The following ATG7 variants were observed in gnomAD, a reference collection of about 807,000 sequenced individuals.
The protein encoded by ATG7 is autophagy related 7.
Under a neutral mutation model 82.4 loss-of-function variants are expected in ATG7, and 70 were observed. The ratio of observed to expected loss-of-function variants is 0.85; its 90% CI spans 0.70 to 1.04. The LOEUF is 1.04. Among genes scored for constraint, ATG7 ranks in the 50% least tolerant of loss-of-function variants. The probability of loss-of-function intolerance (pLI) is 0.00; values close to 1 mark genes in which losing one functional copy is unlikely to be tolerated. For synonymous variants in ATG7, 287 were observed against 313.0 expected (o/e 0.92, Z 0.88); for missense variants, 792 against 864.3 (o/e 0.92, Z 1.05).
chr3:11,518,020 C>T (rs2092332115), intron 20 of ATG7, among the ~76,000 whole-genome samples: 1 of 152,026 alleles, frequency 6.6e-6, no homozygotes, highest in Non-Finnish European at 1.5e-5. Context: ...ACAATTGAAT[C>T]GATGTTGAAA....
At chr3:11,477,320 C>G in intron 20 of ATG7, 1 of 1,186,522 alleles carries the variant, frequency 8.4e-7, no homozygotes, top group South Asian at 1.6e-5. Context: ...TTTTGTGCTA[C>G]AAACTCCTGA....
At chr3:11,572,182 G>C in the ATG7 span, among the ~76,000 whole-genome samples, 13 of 152,142 alleles carry the variant, frequency 8.5e-5, no homozygotes, top group African/African-American at 3.1e-4. Context: ...CTCATTTATT[G>C]AAGGACATGC....
intron 20 of ATG7, among the ~76,000 whole-genome samples, chr3:11,544,809 TC>T (rs2071134478): frequency 6.6e-6 from 1 of 152,236 alleles, no homozygotes; most frequent in Admixed American, 6.5e-5. Context: ...GAATCATTGT[TC>T]CTGCAAAGCC....
At chr3:11,444,052 T>C (rs773250776) in intron 20 of ATG7, among the ~76,000 whole-genome samples, 1 of 152,202 alleles carries the variant, frequency 6.6e-6, no homozygotes, top group Non-Finnish European at 1.5e-5. Context: ...TTGCCTGACT[T>C]TGAATTTTTC....
intron 20 of ATG7, among the ~76,000 whole-genome samples, chr3:11,447,467 A>AG (rs1391981796): frequency 6.7e-6 from 1 of 150,296 alleles, no homozygotes; most frequent in Non-Finnish European, 1.5e-5. Flanking sequence ...ACTCCGTCTC[A>AG]GGGAAAAAAA....
At chr3:11,573,336 A>G in the ATG7 span, among the ~76,000 whole-genome samples, 72 of 77,268 alleles carry the variant, frequency 9.3e-4, 1 homozygote, top group East Asian at 4.9e-3. Context: ...AGAAAGAAAG[A>G]AAGAAAGAAA....
chr3:11,494,845 G>C (rs990996074), intron 20 of ATG7, among the ~76,000 whole-genome samples: 1 of 152,292 alleles, frequency 6.6e-6, no homozygotes, highest in Non-Finnish European at 1.5e-5. Context: ...AGGCCAAGGT[G>C]AGTGGATCAC....
intron 7 of ATG7, among the ~76,000 whole-genome samples, chr3:11,312,381 AGAGCCATTAGCGT>A (rs1948799791): frequency 6.6e-6 from 1 of 152,236 alleles, no homozygotes. Context: ...TTCTGAAGCA[AGAGCCATTAGCGT>A]GAGTGGGAAC....
intron 20 of ATG7, among the ~76,000 whole-genome samples, chr3:11,435,085 A>C (rs758675463): frequency 6.6e-6 from 1 of 152,236 alleles, no homozygotes; most frequent in Non-Finnish European, 1.5e-5. Flanking sequence ...GTATAACCAA[A>C]AAGGAAAAAG....
chr3:11,475,909 C>CACACACACACACACACACACCCT (rs1479988312), intron 20 of ATG7, among the ~76,000 whole-genome samples: 4 of 104,698 alleles, frequency 3.8e-5, no homozygotes, highest in Admixed American at 3.5e-4. Context: ...ACACACACAC[C>CACACACACACACACACACACCCT]CCCTCCCAGA....
Position 11,296,790 on chromosome 3 carries a change from C to T in ATG7, c.-10-1896C>T, listed in dbSNP as rs537100956. On this transcript the variant is annotated intron_variant, in intron 3 of 20. Transcript: ENST00000693202. ...CTGCCCTCCACCCATCTTCCCCCAC[C>T]CCTTACCCATCCTTTTCAACATCAC... is the stretch of plus-strand genomic sequence containing the variant. 7.9e-5 allele frequency among the ~76,000 whole-genome samples: 12 copies of T among 152,314 alleles called. No individual in the cohort carries two copies. In the South Asian group the frequency reaches 1.7e-3, roughly 21 times the overall value.
chr3:11,394,443 G>T (rs2079052523), intron 19 of ATG7, among the ~76,000 whole-genome samples: 1 of 152,188 alleles, frequency 6.6e-6, no homozygotes. Flanking sequence ...GAGAGAGAAT[G>T]TAAGCACAGA....
rs146288670 is a variant in ATG7 at position 11,548,596 on chromosome 3, C to A, written c.2080-6215C>A. ...GTGTTTATATTTGCAAAATTAAAAACCTTTTTTTCTTAAACAAAGGTGGTA... is the reference window on the plus strand; with the variant it reads ...GTGTTTATATTTGCAAAATTAAAAAACTTTTTTTCTTAAACAAAGGTGGTA... On this transcript the variant is annotated intron_variant, in intron 20 of 20. Coordinates refer to ENST00000693202, the MANE Select transcript of ATG7 (RefSeq NM_001349232.2). Among the ~76,000 whole-genome samples, 1,025 of 152,330 alleles carry A rather than the reference C, an allele frequency of 6.7e-3. 10 individuals carry two copies. The highest frequency in any genetic ancestry group is 0.023 in the African/African-American group (957 of 41,582).
chr3:11,409,543 C>T (rs1309955756), intron 19 of ATG7, among the ~76,000 whole-genome samples: 1 of 152,212 alleles, frequency 6.6e-6, no homozygotes, highest in African/African-American at 2.4e-5. Flanking sequence ...AGGGTGTTTT[C>T]AACTTATAGT....
chr3:11,472,223 A>G (rs2087623793), intron 20 of ATG7, among the ~76,000 whole-genome samples: 1 of 152,184 alleles, frequency 6.6e-6, no homozygotes, highest in African/African-American at 2.4e-5. Context: ...TGTCAATAGC[A>G]AACTTTCCAT....
intron 5 of ATG7, among the ~76,000 whole-genome samples, chr3:11,301,698 A>G (rs1324990127): frequency 6.6e-6 from 1 of 152,178 alleles, no homozygotes; most frequent in Non-Finnish European, 1.5e-5. Context: ...TGGAGCCAGT[A>G]AGATATGACG....
chr3:11,339,324 GAAAA>G (rs1953125533), intron 11 of ATG7, among the ~76,000 whole-genome samples: 1 of 122,248 alleles, frequency 8.2e-6, no homozygotes, highest in Non-Finnish European at 1.8e-5. Context: ...GAAAAGAAAA[GAAAA>G]CCAGCGTATA....
the ATG7 span, among the ~76,000 whole-genome samples, chr3:11,575,433 A>T: frequency 6.6e-6 from 1 of 152,166 alleles, no homozygotes; most frequent in Non-Finnish European, 1.5e-5. Context: ...GCTCAGCTGG[A>T]ATGTGCATCG....
At chr3:11,417,698 T>A (rs144425767) in intron 19 of ATG7, among the ~76,000 whole-genome samples, 1 of 151,650 alleles carries the variant, frequency 6.6e-6, no homozygotes, top group South Asian at 2.1e-4. Context: ...TTTGTAACTA[T>A]TTTCCATTTG....
Sources: gnomAD v4.1 joint callset for allele counts (sites outside exome capture counted in the v4.1 genomes callset) on GRCh38, gnomAD v4.1.1 for gene constraint, MANE v1.5 for transcripts, NCBI Gene and HGNC (gene_info 2026-07-23, HGNC 2026-07-21) for gene names.